GRID2: variants seen among roughly 807,000 people sequenced by gnomAD.
The protein encoded by GRID2 is glutamate ionotropic receptor delta type subunit 2, also known as glutamate receptor ionotropic, delta-2.
Under a neutral mutation model 114.8 loss-of-function variants are expected in GRID2, and 33 were observed. That is an observed-to-expected ratio of 0.29 (90% CI 0.22 to 0.38). The LOEUF (loss-of-function observed/expected upper bound fraction) is 0.38. GRID2 is among the 10% of genes least tolerant of loss of function. The pLI is 1.00. For missense variants in GRID2, 1,184 were observed against 1,257.7 expected (o/e 0.94, Z 0.89); for synonymous variants, 505 against 449.9 (o/e 1.12, Z -1.55).
At chr4:93,114,016 A>T (rs937963078) in intron 4 of GRID2, among the ~76,000 whole-genome samples, 4 of 152,152 alleles carry the variant, frequency 2.6e-5, no homozygotes, top group African/African-American at 7.2e-5. Context: ...TAAAATTTTT[A>T]AAAATCCCAT....
chr4:92,889,534 G>T (rs1214170996), intron 2 of GRID2, among the ~76,000 whole-genome samples: 1 of 152,078 alleles, frequency 6.6e-6, no homozygotes, highest in African/African-American at 2.4e-5. Context: ...GCTACAAAGA[G>T]AATAAAATAT....
intron 2 of GRID2, among the ~76,000 whole-genome samples, chr4:92,805,083 A>C (rs1740345840): frequency 6.6e-6 from 1 of 152,022 alleles, no homozygotes; most frequent in Admixed American, 6.6e-5. Flanking sequence ...TCTAGCAGAT[A>C]GGTAACTATT....
chr4:93,134,170 T>G lies in GRID2; in HGVS notation c.735+23217T>G, dbSNP rs72887664. 2.5e-3 allele frequency among the ~76,000 whole-genome samples: 375 copies of G among 152,270 alleles called. 3 individuals carry two copies. Among genetic ancestry groups the G allele is most frequent in the African/African-American group, 8.5e-3 (352 of 41,546 alleles). ...GAAAATGTGGGTCATCTAATGCCCCTGTTCTGATTTAGGTTCTCCAAAAAC... is the reference window on the plus strand; with the variant it reads ...GAAAATGTGGGTCATCTAATGCCCCGGTTCTGATTTAGGTTCTCCAAAAAC... On this transcript the variant is annotated intron_variant, in intron 4 of 15. Coordinates refer to ENST00000282020, the MANE Select transcript of GRID2 (RefSeq NM_001510.4).
chr4:93,615,017 C>T (rs1224588668), intron 13 of GRID2, among the ~76,000 whole-genome samples: 1 of 152,114 alleles, frequency 6.6e-6, no homozygotes, highest in Admixed American at 6.6e-5. Flanking sequence ...ACATAAAATG[C>T]ACTTTGGTGT....
intron 8 of GRID2, among the ~76,000 whole-genome samples, chr4:93,242,111 T>A (rs1282624698): frequency 1.3e-5 from 2 of 151,952 alleles, no homozygotes; most frequent in Non-Finnish European, 2.9e-5. Flanking sequence ...CAAGTCTTTA[T>A]GTTTGATGTT....
At chr4:92,980,562 T>C (rs1754128888) in intron 2 of GRID2, among the ~76,000 whole-genome samples, 1 of 152,078 alleles carries the variant, frequency 6.6e-6, no homozygotes, top group South Asian at 2.1e-4. Context: ...TTTGTTGTTA[T>C]GTAGTAGAGG....
intron 2 of GRID2, among the ~76,000 whole-genome samples, chr4:92,758,458 G>C (rs919547328): frequency 6.6e-6 from 1 of 152,012 alleles, no homozygotes; most frequent in African/African-American, 2.4e-5. Flanking sequence ...TCATAGTCTA[G>C]TGATTAGAAG....
intron 14 of GRID2, among the ~76,000 whole-genome samples, chr4:93,706,958 A>T (rs1320855312): frequency 6.6e-6 from 1 of 152,106 alleles, no homozygotes; most frequent in African/African-American, 2.4e-5. Context: ...ATCAATTGAA[A>T]TATCATATGA....
intron 13 of GRID2, among the ~76,000 whole-genome samples, chr4:93,604,009 T>C (rs1739955912): frequency 6.6e-6 from 1 of 152,262 alleles, no homozygotes; most frequent in Non-Finnish European, 1.5e-5. Flanking sequence ...AGATCCATTC[T>C]GCAGCCCATA....
At chr4:92,614,153 CGT>C (rs1352289900) in intron 2 of GRID2, among the ~76,000 whole-genome samples, 12 of 151,540 alleles carry the variant, frequency 7.9e-5, no homozygotes. Context: ...GCTGTAATTA[CGT>C]GTGCTTTGAC....
At chr4:93,658,567 A>G (rs7677128) in intron 14 of GRID2, among the ~76,000 whole-genome samples, 5,466 of 152,228 alleles carry the variant, frequency 0.036, 326 homozygotes, top group African/African-American at 0.12. Flanking sequence ...CAAGAGCAGT[A>G]TATAATGGAG....
chr4:92,471,927 T>TATGAATGTCAATAG (rs1560653188), intron 1 of GRID2, among the ~76,000 whole-genome samples: 82 of 30,622 alleles, frequency 2.7e-3, no homozygotes, highest in East Asian at 0.013. Context: ...TCCATATTTC[T>TATGAATGTCAATAG]TTTTTTTTTT....
intron 1 of GRID2, among the ~76,000 whole-genome samples, chr4:92,449,710 T>TATATATATAAAA (rs1266661271): frequency 2.3e-5 from 3 of 131,720 alleles, no homozygotes; most frequent in African/African-American, 8.7e-5. Context: ...TATATATATA[T>TATATATATAAAA]AACACTTAAG....
At chr4:93,291,692 A>G (rs557798507) in intron 8 of GRID2, among the ~76,000 whole-genome samples, 3 of 152,330 alleles carry the variant, frequency 2.0e-5, no homozygotes, top group African/African-American at 7.2e-5. Context: ...ACAAACTCAT[A>G]GATTTTGTAT....
intron 2 of GRID2, among the ~76,000 whole-genome samples, chr4:92,688,066 T>TTTTTTG (rs1352613092): frequency 3.7e-5 from 5 of 134,956 alleles, no homozygotes; most frequent in African/African-American, 1.5e-4. Context: ...TTTTTTTTTT[T>TTTTTTG]GGGATGGAGT....
chr4:93,094,395 C>G lies in GRID2; in HGVS notation c.529+9116C>G, dbSNP rs1731027443. On this transcript the variant is annotated intron_variant, in intron 3 of 15. Coordinates refer to ENST00000282020, the MANE Select transcript of GRID2 (RefSeq NM_001510.4). ...TTTTATATGCATATGGAGATTAAAGCTAAGAGACTAAAAAAAAGTCATTCT... is the reference window on the plus strand; with the variant it reads ...TTTTATATGCATATGGAGATTAAAGGTAAGAGACTAAAAAAAAGTCATTCT... Among the ~76,000 whole-genome samples the G allele has an allele frequency of 1.3e-5, 2 of 151,810 alleles. 1 individual carries two copies. Among genetic ancestry groups the G allele is most frequent in the South Asian group, 4.2e-4 (2 of 4,818 alleles).
chr4:92,768,946 A>G (rs1003746862), intron 2 of GRID2, among the ~76,000 whole-genome samples: 4 of 152,208 alleles, frequency 2.6e-5, no homozygotes, highest in African/African-American at 9.6e-5. Flanking sequence ...CCCAAATCTC[A>G]TGTCCTCACA....
intron 14 of GRID2, among the ~76,000 whole-genome samples, chr4:93,676,101 C>A (rs1724831793): frequency 6.6e-6 from 1 of 152,132 alleles, no homozygotes; most frequent in South Asian, 2.1e-4. Flanking sequence ...CAAAACAGTT[C>A]ATCTGTATTG....
chr4:92,710,922 A>G (rs2149309375), intron 2 of GRID2, among the ~76,000 whole-genome samples: 1 of 151,836 alleles, frequency 6.6e-6, no homozygotes, highest in Admixed American at 6.6e-5. Context: ...ATTCAGATTC[A>G]GTGTTTTTTT....
Sources: allele counts gnomAD v4.1 joint callset (sites outside exome capture counted in the v4.1 genomes callset), GRCh38; gene constraint gnomAD v4.1.1; transcripts MANE v1.5; gene names NCBI Gene and HGNC (gene_info 2026-07-23, HGNC 2026-07-21).